The following DCC variants were observed in gnomAD, a reference collection of about 807,000 sequenced individuals.
The protein encoded by DCC is DCC netrin 1 receptor, also known as netrin receptor DCC.
In DCC, 58 loss-of-function variants were observed where a neutral mutation model predicts 172.5. That is an observed-to-expected ratio of 0.34 (90% CI 0.27 to 0.42). The LOEUF (loss-of-function observed/expected upper bound fraction) is 0.42. Among genes scored for constraint, DCC ranks in the 10% least tolerant of loss-of-function variants. DCC has a pLI of 1.00. For missense variants in DCC, 1,740 were observed against 1,791.0 expected (o/e 0.97, Z 0.51); for synonymous variants, 709 against 644.5 (o/e 1.10, Z -1.52).
intron 1 of DCC, among the ~76,000 whole-genome samples, chr18:52,682,835 G>T (rs1056487006): frequency 6.6e-6 from 1 of 152,050 alleles, no homozygotes; most frequent in Middle Eastern, 3.2e-3. Flanking sequence ...AGGGAAGTGG[G>T]CCTCGTTTAA....
intron 1 of DCC, among the ~76,000 whole-genome samples, chr18:52,373,621 A>G (rs1598871572): frequency 6.6e-6 from 1 of 152,172 alleles, no homozygotes; most frequent in African/African-American, 2.4e-5. Context: ...GGAGTTGATA[A>G]CAGCCATTAC....
chr18:53,469,728 A>G (rs1291918744), intron 25 of DCC, among the ~76,000 whole-genome samples: 1 of 152,150 alleles, frequency 6.6e-6, no homozygotes, highest in East Asian at 1.9e-4. Flanking sequence ...CTGTTTTATA[A>G]CACTCAATGC....
At chr18:52,611,230 G>T (rs1037246717) in intron 1 of DCC, among the ~76,000 whole-genome samples, 2 of 151,764 alleles carry the variant, frequency 1.3e-5, no homozygotes, top group Admixed American at 6.6e-5. Flanking sequence ...CCTATACCCC[G>T]CACCTGGAAG....
At chr18:52,526,611 T>C (rs1287388585) in intron 1 of DCC, among the ~76,000 whole-genome samples, 1 of 152,136 alleles carries the variant, frequency 6.6e-6, no homozygotes, top group Admixed American at 6.6e-5. Context: ...AATATCTTCC[T>C]TAGGTACTTC....
At chr18:53,269,503 C>T (rs1444595408) in intron 12 of DCC, among the ~76,000 whole-genome samples, 1 of 152,142 alleles carries the variant, frequency 6.6e-6, no homozygotes, top group Admixed American at 6.5e-5. Context: ...GAAAATTATT[C>T]TCCTGCATGC....
chr18:52,713,188 C>T (rs1167528925), intron 1 of DCC, among the ~76,000 whole-genome samples: 1 of 152,188 alleles, frequency 6.6e-6, no homozygotes, highest in South Asian at 2.1e-4. Context: ...TCTCGCATAG[C>T]ATGTCTTTCA....
intron 1 of DCC, among the ~76,000 whole-genome samples, chr18:52,593,532 A>C (rs142804053): frequency 1.3e-5 from 2 of 152,090 alleles, no homozygotes; most frequent in Non-Finnish European, 2.9e-5. Flanking sequence ...GCTTTCCTTT[A>C]TTTTTTAAAA....
chr18:53,387,241 T>A (rs1044518604), intron 16 of DCC, among the ~76,000 whole-genome samples: 5 of 152,248 alleles, frequency 3.3e-5, no homozygotes, highest in African/African-American at 1.2e-4. Context: ...GCTTCATTCA[T>A]AGACTATCTT....
intron 1 of DCC, among the ~76,000 whole-genome samples, chr18:52,672,470 A>G (rs934840940): frequency 1.3e-5 from 2 of 152,154 alleles, no homozygotes; most frequent in African/African-American, 4.8e-5. Context: ...ACAAGATGAT[A>G]TAAGCACAAA....
chr18:52,551,506 A>G (rs1457944105), intron 1 of DCC, among the ~76,000 whole-genome samples: 1 of 152,044 alleles, frequency 6.6e-6, no homozygotes. Flanking sequence ...GCTAACAAAA[A>G]CAGAAGAATC....
intron 2 of DCC, chr18:52,754,043 G>A (rs1568082851): frequency 6.6e-6 from 1 of 152,120 alleles, no homozygotes; most frequent in Non-Finnish European, 1.5e-5. Context: ...TTGAATCATA[G>A]GCTGTTTAGT....
intron 1 of DCC, among the ~76,000 whole-genome samples, chr18:52,378,567 G>A (rs976879044): frequency 6.6e-6 from 1 of 152,032 alleles, no homozygotes; most frequent in Non-Finnish European, 1.5e-5. Context: ...GAGAGAGAGA[G>A]AGAAAATCTC....
chr18:52,833,157 G>T (rs1164749455), intron 2 of DCC, among the ~76,000 whole-genome samples: 1 of 152,054 alleles, frequency 6.6e-6, no homozygotes, highest in Non-Finnish European at 1.5e-5. Context: ...TCTTCCACAT[G>T]CACCTAGTCC....
intron 5 of DCC, among the ~76,000 whole-genome samples, chr18:52,995,116 T>G (rs2041457533): frequency 6.6e-6 from 1 of 152,140 alleles, no homozygotes; most frequent in East Asian, 1.9e-4. Context: ...AAGTGGTGCC[T>G]AAATTAACAT....
At chr18:52,664,526 A>C (rs1358546220) in intron 1 of DCC, among the ~76,000 whole-genome samples, 2 of 124,922 alleles carry the variant, frequency 1.6e-5, no homozygotes, top group Non-Finnish European at 3.1e-5. Context: ...GCTAGAGTGC[A>C]GTGGCGCGAT....
chr18:53,294,476 G>A (rs2057042940), intron 12 of DCC, among the ~76,000 whole-genome samples: 1 of 152,188 alleles, frequency 6.6e-6, no homozygotes, highest in Non-Finnish European at 1.5e-5. Flanking sequence ...AAGGCTAGTA[G>A]GTTTTGCTGG....
At chr18:52,784,465 T>A (rs1451400433) in intron 2 of DCC, among the ~76,000 whole-genome samples, 3 of 152,064 alleles carry the variant, frequency 2.0e-5, no homozygotes, top group Non-Finnish European at 4.4e-5. Context: ...ATATTTCTAC[T>A]TTTAGTCTTT....
chr18:52,657,545 A>T (rs1300235995), intron 1 of DCC, among the ~76,000 whole-genome samples: 1 of 152,098 alleles, frequency 6.6e-6, no homozygotes, highest in African/African-American at 2.4e-5. Context: ...GGTTGAAGTG[A>T]TGTTAAGTTT....
At chr18:52,886,450 G>A (rs559489310) in intron 2 of DCC, among the ~76,000 whole-genome samples, 1 of 152,256 alleles carries the variant, frequency 6.6e-6, no homozygotes, top group East Asian at 1.9e-4. Context: ...GCAGCACTGA[G>A]TTCAATGTAA....
Sources: allele counts gnomAD v4.1 joint callset (sites outside exome capture counted in the v4.1 genomes callset), GRCh38; gene constraint gnomAD v4.1.1; transcripts MANE v1.5; gene names NCBI Gene and HGNC (gene_info 2026-07-23, HGNC 2026-07-21).